NOVA1: variants seen among roughly 807,000 people sequenced by gnomAD.
NOVA1 encodes NOVA alternative splicing regulator 1.
Under a neutral mutation model 38.0 loss-of-function variants are expected in NOVA1, and 7 were observed. The ratio of observed to expected loss-of-function variants is 0.18; its 90% CI spans 0.10 to 0.35. NOVA1 has a LOEUF of 0.35. Ranked by LOEUF, NOVA1 falls within the 10% of genes least tolerant of loss-of-function variation. The pLI is 1.00. For missense variants in NOVA1, 460 were observed against 616.0 expected, an observed-to-expected ratio of 0.75 and a Z score of 2.68; for synonymous variants, 270 against 232.5, an observed-to-expected ratio of 1.16 and a Z score of -1.47.
At chr14:26,584,772 T>C (rs954616267) in intron 2 of NOVA1, among the ~76,000 whole-genome samples, 4 of 151,482 alleles carry the variant, frequency 2.6e-5, no homozygotes, top group African/African-American at 9.7e-5. Context: ...CTCTTCGAAG[T>C]CTTCTTCGAA....
intron 2 of NOVA1, among the ~76,000 whole-genome samples, chr14:26,544,271 C>A (rs1890650757): frequency 6.6e-6 from 1 of 151,856 alleles, no homozygotes; most frequent in African/African-American, 2.4e-5. Flanking sequence ...CAAAACCAGA[C>A]AAATAAAGTG....
Position 26,448,147 on chromosome 14 carries a change from C to T in NOVA1, c.1336G>A (p.Glu446Lys), listed in dbSNP as rs867125559. The T allele has an allele frequency of 6.2e-7, 1 of 1,614,160 alleles. No homozygotes were observed. The highest frequency in any genetic ancestry group is 8.5e-7 in the Non-Finnish European group (1 of 1,180,020). ...ILGKGGKTLV[E>K]YQELTGARIQ... ...CTTGCACCAGTCAACTCCTGGTATT[C>T]CACTAATGTTTTCCCTCCTTTGCCA... Residue 446 changes from glutamate to lysine, a missense_variant, in exon 5 of 5, where the codon GAA becomes AAA. Transcript: ENST00000539517. This position sits in a 1 kb window ranked among gnomAD's most constrained non-coding sequence, Gnocchi z 5.3.
intron 2 of NOVA1, among the ~76,000 whole-genome samples, chr14:26,559,044 T>G (rs1296009137): frequency 1.3e-5 from 2 of 152,134 alleles, no homozygotes; most frequent in East Asian, 3.9e-4. Flanking sequence ...TGAGATAAAT[T>G]TTCAACAAGA....
At chr14:26,565,641 GC>G (rs1180097984) in intron 2 of NOVA1, among the ~76,000 whole-genome samples, 1 of 152,052 alleles carries the variant, frequency 6.6e-6, no homozygotes, top group Non-Finnish European at 1.5e-5. Context: ...TTGTAATCTA[GC>G]CATTAGCACT....
chr14:26,582,670 G>A (rs545039000), intron 2 of NOVA1, among the ~76,000 whole-genome samples: 177 of 151,808 alleles, frequency 1.2e-3, no homozygotes, highest in African/African-American at 4.0e-3. Context: ...AACTATATAT[G>A]TTTTTTACTT....
chr14:26,479,767 C>CTTATTAGTGTTAT, intron 3 of NOVA1: 1 of 464,820 alleles, frequency 2.2e-6, no homozygotes, highest in Non-Finnish European at 3.7e-6. Context: ...CAATGTAACA[C>CTTATTAGTGTTAT]TAATAAATGA....
chr14:26,571,366 A>G (rs61986555), intron 2 of NOVA1, among the ~76,000 whole-genome samples: 30,661 of 152,078 alleles, frequency 0.2, 3,325 homozygotes, highest in East Asian at 0.33. Context: ...ACGAGAAGAT[A>G]CTATCTTTTC....
intron 2 of NOVA1, among the ~76,000 whole-genome samples, chr14:26,588,235 A>G (rs924573505): frequency 6.6e-6 from 1 of 151,234 alleles, no homozygotes; most frequent in Non-Finnish European, 1.5e-5. Flanking sequence ...TGAGTCTGCA[A>G]TACAGTTTAT....
intron 2 of NOVA1, among the ~76,000 whole-genome samples, chr14:26,586,634 G>C (rs1481798488): frequency 6.6e-6 from 1 of 151,058 alleles, no homozygotes; most frequent in African/African-American, 2.4e-5. Context: ...GCTAAGGAAT[G>C]ATGAAAGCAA....
chr14:26,501,527 T>G (rs1298060085), intron 2 of NOVA1, among the ~76,000 whole-genome samples: 1 of 152,012 alleles, frequency 6.6e-6, no homozygotes, highest in African/African-American at 2.4e-5. Flanking sequence ...TCAACAGATT[T>G]GTTTTGAATG....
chr14:26,543,011 T>C lies in NOVA1; in HGVS notation c.280+52399A>G, dbSNP rs1416807950. Among the ~76,000 whole-genome samples the C allele has an allele frequency of 3.3e-5, 5 of 151,906 alleles. No individual in the cohort carries two copies. In the East Asian group the frequency reaches 9.6e-4, roughly 29 times the overall value. On this transcript the variant is annotated intron_variant, in intron 2 of 4. Coordinates refer to ENST00000539517, the MANE Select transcript of NOVA1 (RefSeq NM_002515.3). ...CCACTGAGTTAAAAAGTAATAATCATATATTTCAAAATAACTAGAAGAGTG... is the reference window on the plus strand; with the variant it reads ...CCACTGAGTTAAAAAGTAATAATCACATATTTCAAAATAACTAGAAGAGTG...
At chr14:26,575,053 G>A (rs1388476181) in intron 2 of NOVA1, among the ~76,000 whole-genome samples, 3 of 152,088 alleles carry the variant, frequency 2.0e-5, no homozygotes, top group South Asian at 4.1e-4. Flanking sequence ...CTGCAAACAC[G>A]TACTACTGTT....
rs1051337356 is a variant in NOVA1 at position 26,596,495 on chromosome 14, T to C, written c.136+806A>G. ...GTAAATCCAGCTTTCTTAATGTGAA[T>C]GAATGTTCCAAATGTTGTGGTGTGC... On this transcript the variant is annotated intron_variant, in intron 1 of 4. Transcript: ENST00000539517. 1.2e-5 allele frequency: 15 copies of C among 1,238,914 alleles called. No individual in the cohort carries two copies. The African/African-American group carries it at 1.9e-4, about 15-fold the overall frequency. The allele number at this position is 1,238,914 out of a possible 1,614,324, so 76.7% of individuals were successfully genotyped here.
chr14:26,500,929 T>C (rs1252385215), intron 2 of NOVA1, among the ~76,000 whole-genome samples: 2 of 151,982 alleles, frequency 1.3e-5, no homozygotes, highest in African/African-American at 4.8e-5. Context: ...AAAAAGTGCA[T>C]TTATGTCCTC....
intron 4 of NOVA1, among the ~76,000 whole-genome samples, chr14:26,465,927 G>A (rs1255618859): frequency 1.3e-5 from 2 of 152,032 alleles, no homozygotes; most frequent in African/African-American, 2.4e-5. Flanking sequence ...GTATTCATGA[G>A]GCAATGGAAA....
intron 2 of NOVA1, among the ~76,000 whole-genome samples, chr14:26,534,509 AC>A (rs1294254676): frequency 2.0e-5 from 3 of 152,198 alleles, no homozygotes; most frequent in East Asian, 1.9e-4. Flanking sequence ...AAATAAAAAA[AC>A]ATATAATCAC....
intron 2 of NOVA1, chr14:26,568,607 A>C (rs1006337428): frequency 6.6e-6 from 1 of 152,170 alleles, no homozygotes; most frequent in South Asian, 2.1e-4. Flanking sequence ...CACATTCTTC[A>C]ATGGCATCTG....
intron 2 of NOVA1, among the ~76,000 whole-genome samples, chr14:26,534,687 T>G (rs1377189187): frequency 6.6e-6 from 1 of 152,108 alleles, no homozygotes; most frequent in Non-Finnish European, 1.5e-5. Context: ...CCCTAGAACC[T>G]GGGAATGTCA....
chr14:26,465,323 C>A (rs1884023669), intron 4 of NOVA1, among the ~76,000 whole-genome samples: 2 of 152,080 alleles, frequency 1.3e-5, no homozygotes, highest in African/African-American at 4.8e-5. Flanking sequence ...TAAAGGCGTG[C>A]ACCACCACAC....
Sources: gnomAD v4.1 joint callset for allele counts (sites outside exome capture counted in the v4.1 genomes callset) on GRCh38, gnomAD v4.1.1 for gene constraint, Gnocchi (gnomAD v3.1) non-coding constraint, MANE v1.5 for transcripts, NCBI Gene and HGNC (gene_info 2026-07-23, HGNC 2026-07-21) for gene names.